The following CLASRP variants were observed in gnomAD, a reference collection of about 807,000 sequenced individuals.
CLASRP encodes CLK4 associating serine/arginine rich protein, also known as CLK4-associating serine/arginine rich protein.
Under a neutral mutation model 99.9 loss-of-function variants are expected in CLASRP, and 52 were observed. That is an observed-to-expected ratio of 0.52 (90% confidence interval 0.42 to 0.66). The LOEUF is 0.66. Among genes scored for constraint, CLASRP ranks in the 30% least tolerant of loss-of-function variants. The pLI, the probability that CLASRP is intolerant of heterozygous loss-of-function variation, is 0.00. For synonymous variants in CLASRP, 379 were observed against 373.0 expected (o/e 1.02, Z -0.18); for missense variants, 848 against 999.2 (o/e 0.85, Z 2.04).
chr19:45,055,555 C>T (rs1003057031), intron 5 of CLASRP, among the ~76,000 whole-genome samples: 4 of 152,228 alleles, frequency 2.6e-5, no homozygotes, highest in African/African-American at 9.6e-5. Flanking sequence ...CTGAGGCCAG[C>T]CGGGCACGGT....
At chr19:45,045,891 A>C (rs565602880) in intron 2 of CLASRP, among the ~76,000 whole-genome samples, 2 of 152,314 alleles carry the variant, frequency 1.3e-5, no homozygotes, top group East Asian at 3.9e-4. Flanking sequence ...GTGCAGAGGA[A>C]GGAAGGCTGG....
chr19:45,052,211 A>G (rs1457056816), intron 3 of CLASRP, 43 bp downstream of exon 3: 2 of 1,549,372 alleles, frequency 1.3e-6, no homozygotes, highest in African/African-American at 1.4e-5. Flanking sequence ...GAAGTCTGGG[A>G]GTCAAAACGG....
intron 8 of CLASRP, among the ~76,000 whole-genome samples, chr19:45,059,662 G>A (rs1474367312): frequency 6.6e-6 from 1 of 152,208 alleles, no homozygotes; most frequent in Non-Finnish European, 1.5e-5. Flanking sequence ...CTAGTGGAGA[G>A]GCTTCATTCC....
At chr19:45,041,362 T>C (rs548533654) in intron 2 of CLASRP, among the ~76,000 whole-genome samples, 2 of 152,252 alleles carry the variant, frequency 1.3e-5, no homozygotes, top group African/African-American at 4.8e-5. Context: ...TAAAAGACCC[T>C]TGTGGTCTGA....
intron 20 of CLASRP, 108 bp from the exon 21 acceptor site, chr19:45,070,695 C>G (rs1244017431): frequency 4.6e-6 from 6 of 1,303,538 alleles, no homozygotes; most frequent in Non-Finnish European, 6.7e-6. Context: ...CCTTGGGGAA[C>G]ATCCTTCCCT....
chr19:45,052,425 A>G (rs1972042176), intron 3 of CLASRP, among the ~76,000 whole-genome samples: 2 of 152,220 alleles, frequency 1.3e-5, no homozygotes, highest in African/African-American at 4.8e-5. Context: ...AGAGGCCCAG[A>G]GGAAGCAGAG....
rs530768416 is a variant in CLASRP, at chr19:45,057,939, G to A, written c.613+41G>A. 4.3e-6 allele frequency: 7 copies of A among 1,611,136 alleles called. No homozygotes were observed. In the African/African-American group the frequency reaches 9.3e-5, roughly 22 times the overall value. On this transcript the variant is annotated intron_variant, in intron 7 of 20. Transcript: ENST00000221455. Reference sequence around the variant, plus strand: ...TGCCCTCCCCACCTGCAGTCCCTGGGCATCGTTTCTGTGTCTCGTCCCTCA... The same window carrying A: ...TGCCCTCCCCACCTGCAGTCCCTGGACATCGTTTCTGTGTCTCGTCCCTCA...
chr19:45,055,909 C>T (rs369472552), intron 5 of CLASRP, among the ~76,000 whole-genome samples: 89 of 152,268 alleles, frequency 5.8e-4, no homozygotes, highest in African/African-American at 2.1e-3. Context: ...TGTCCCACAG[C>T]GAGTCAGGGA....
Position 45,054,528 on chromosome 19 carries a change from C to T in CLASRP, c.379+1351C>T, listed in dbSNP as rs868615899. ...CCTCCCAAAGTGCTGGGATTACAGG[C>T]GTGAGCCACCGCGCCTGGCCATCAC... On this transcript the variant is annotated intron_variant, in intron 5 of 20. Transcript: ENST00000221455. Among the ~76,000 whole-genome samples the T allele has an allele frequency of 4.5e-4, 68 of 152,296 alleles. No homozygotes were observed. In the Middle Eastern group the frequency reaches 0.017, roughly 38 times the overall value.
chr19:45,065,979 A>G (rs1694398021), intron 13 of CLASRP, among the ~76,000 whole-genome samples: 1 of 152,174 alleles, frequency 6.6e-6, no homozygotes, highest in Admixed American at 6.5e-5. Flanking sequence ...TAGAGGGGCC[A>G]GGTAGAGATC....
chr19:45,061,811 T>TCA (rs1966945875), intron 10 of CLASRP, among the ~76,000 whole-genome samples: 1 of 151,522 alleles, frequency 6.6e-6, no homozygotes, highest in African/African-American at 2.4e-5. Flanking sequence ...ATCATCATCA[T>TCA]TAGTAAGCCC....
intron 8 of CLASRP, among the ~76,000 whole-genome samples, chr19:45,059,855 G>A (rs1377435993): frequency 1.3e-5 from 2 of 152,120 alleles, no homozygotes; most frequent in Non-Finnish European, 2.9e-5. Flanking sequence ...AACATCCAGT[G>A]TCCTCACCAT....
Position 45,069,259 on chromosome 19 carries a change from GC to G in CLASRP, c.1874+15del. ...CAAGATCCGCATGAAGTAAGACCTT[GC>G]CCCTCCCTGTCCCATGGCCACACCT... On this transcript the variant is annotated intron_variant, in intron 18 of 20. Coordinates refer to ENST00000221455, the MANE Select transcript of CLASRP (RefSeq NM_007056.3). The G allele has an allele frequency of 6.2e-7, 1 of 1,612,510 alleles. No homozygotes were observed.
rs767906120 is a variant in CLASRP, at chr19:45,067,600, C to T, written c.1667+6C>T. 36 of 1,583,612 alleles carry T rather than the reference C, an allele frequency of 2.3e-5. No individual in the cohort carries two copies. Among genetic ancestry groups the T allele is most frequent in the Middle Eastern group, 3.4e-4 (2 of 5,928 alleles). ...GTGGGCGAGAAGCTGAAAAAGTGAG[C>T]GGGGCGGGTCTGGAGGAAGAGGGCT... On this transcript the variant is annotated splice_donor_region_variant and intron_variant, in intron 14 of 20. Transcript: ENST00000221455. This position sits in a 1 kb window ranked among gnomAD's most constrained non-coding sequence, Gnocchi z 4.9.
chr19:45,062,709 CTTTAT>C (rs1229991366), intron 11 of CLASRP, among the ~76,000 whole-genome samples: 4 of 152,168 alleles, frequency 2.6e-5, no homozygotes, highest in African/African-American at 7.2e-5. Context: ...TTTGAAGCTT[CTTTAT>C]TTTATTTTTC....
At position 45,064,165 on chromosome 19, in the gene CLASRP, A is replaced by C. The variant is rs1436084093; in HGVS notation, c.1059A>C (p.Thr353=). ...AAAAAASGVT[T]GKPPAPPQPG... ...CCGCAGCAGCATCAGGAGTCACCAC[A>C]GGGAAGCCCCCCGCACCTCCCCAGC... Residue 353 remains threonine, a synonymous_variant, in exon 12 of 21, where the codon ACA becomes ACC. Coordinates refer to ENST00000221455, the MANE Select transcript of CLASRP (RefSeq NM_007056.3). 6.2e-7 allele frequency: 1 copy of C among 1,610,814 alleles called. No individual in the cohort carries two copies. Among genetic ancestry groups the C allele is most frequent in the Non-Finnish European group, 8.5e-7 (1 of 1,179,242 alleles).
rs75931730 is a variant in CLASRP, at chr19:45,068,000, C to T, written c.1668-15C>T. 2,573 of 1,607,970 alleles carry T rather than the reference C, an allele frequency of 1.6e-3. 40 individuals carry two copies. In the African/African-American group the frequency reaches 0.029, roughly 18 times the overall value. On this transcript the variant is annotated splice_polypyrimidine_tract_variant and intron_variant, in intron 14 of 20. Coordinates refer to ENST00000221455, the MANE Select transcript of CLASRP (RefSeq NM_007056.3). The surrounding 1 kb of genome is among the most constrained non-coding windows in gnomAD (Gnocchi z 4.9). ...CCCCCTCCCAACCATGTCCTCTGGC[C>T]CTGCCCCCACCCAGGACCGAACCTG... is the stretch of plus-strand genomic sequence containing the variant.
intron 10 of CLASRP, among the ~76,000 whole-genome samples, chr19:45,061,083 G>A (rs150331378): frequency 6.6e-6 from 1 of 152,318 alleles, no homozygotes; most frequent in South Asian, 2.1e-4. Context: ...CCCACAGGGA[G>A]GTCTTGGGAC....
chr19:45,044,194 A>G (rs1211463011), intron 2 of CLASRP, among the ~76,000 whole-genome samples: 2 of 152,148 alleles, frequency 1.3e-5, no homozygotes, highest in Admixed American at 6.5e-5. Flanking sequence ...GCTGCCATTT[A>G]TTAAGGGCCC....
Sources: gnomAD v4.1 joint callset for allele counts (sites outside exome capture counted in the v4.1 genomes callset) on GRCh38, gnomAD v4.1.1 for gene constraint, Gnocchi (gnomAD v3.1) non-coding constraint, MANE v1.5 for transcripts, NCBI Gene and HGNC (gene_info 2026-07-23, HGNC 2026-07-21) for gene names.